Variants in PSMG4 observed in about 807,000 individuals in gnomAD.
The protein encoded by PSMG4 is proteasome assembly chaperone 4.
In PSMG4, 10 loss-of-function variants were observed where a neutral mutation model predicts 11.0. That is an observed-to-expected ratio of 0.91 (90% confidence interval 0.56 to 1.54). PSMG4 has a LOEUF of 1.54. PSMG4 is among the 40% of genes most tolerant of loss of function. The probability of loss-of-function intolerance (pLI) is 0.00; values close to 1 mark genes in which losing one functional copy is unlikely to be tolerated. For synonymous variants in PSMG4, 95 were observed against 71.3 expected, an observed-to-expected ratio of 1.33 and a Z score of -1.68; for missense variants, 198 against 160.9, an observed-to-expected ratio of 1.23 and a Z score of -1.25.
upstream of PSMG4, chr6:3,255,355 A>T (rs368004680): frequency 1.7e-5 from 24 of 1,443,362 alleles, no homozygotes; most frequent in Admixed American, 2.7e-5. Flanking sequence ...GTAGTTGCTT[A>T]ATTTTTCCTG....
chr6:3,254,576 G>A (rs145066206), upstream of PSMG4, among the ~76,000 whole-genome samples: 51 of 152,252 alleles, frequency 3.3e-4, no homozygotes, highest in Non-Finnish European at 5.3e-4. Context: ...GTGAGGCTGG[G>A]AACCCAACGA....
At chr6:3,256,982 G>C (rs959952975), upstream of PSMG4, among the ~76,000 whole-genome samples, 4 of 152,132 alleles carry the variant, frequency 2.6e-5, no homozygotes, top group Admixed American at 2.6e-4. Context: ...TGAAAGGACA[G>C]GGTCAGAGCA....
chr6:3,255,013 A>G (rs1451612556), upstream of PSMG4: 1 of 1,544,750 alleles, frequency 6.5e-7, no homozygotes, highest in Admixed American at 2.0e-5. Context: ...CCCATGTGGG[A>G]GCGCTGGGAT....
chr6:3,258,159 C>T (rs919170587), upstream of PSMG4, among the ~76,000 whole-genome samples: 6 of 110,038 alleles, frequency 5.5e-5, no homozygotes, highest in African/African-American at 1.6e-4. Flanking sequence ...GGGGTCTCCC[C>T]ATAGGTATGA....
At chr6:3,255,054 C>T, upstream of PSMG4, 2 of 1,550,828 alleles carry the variant, frequency 1.3e-6, no homozygotes, top group Non-Finnish European at 1.7e-6. Context: ...TGGACAGGAA[C>T]AAACACACTT....
chr6:3,256,309 A>G (rs1445218597), upstream of PSMG4, among the ~76,000 whole-genome samples: 4 of 152,246 alleles, frequency 2.6e-5, no homozygotes, highest in East Asian at 1.9e-4. Context: ...TTTGAGGACC[A>G]GGGAAATGAC....
upstream of PSMG4, chr6:3,254,981 G>T (rs1463620195): frequency 1.3e-6 from 2 of 1,482,084 alleles, no homozygotes; most frequent in South Asian, 1.3e-5. Context: ...TGTGGCTGTG[G>T]ATCCCATGGA....
At position 3,262,801 on chromosome 6, in the gene PSMG4, T is replaced by TC. The variant is rs1209312427; in HGVS notation, c.175-883_175-882insC. On this transcript the variant is annotated intron_variant, in intron 1 of 2. Coordinates refer to ENST00000438998, the MANE Select transcript of PSMG4 (RefSeq NM_001128591.2). ...CATATTACCAATAAGTGTTTTTTTT[T>TC]TCCCCCTTTGGAAGCTAGACCTTCT... Among the ~76,000 whole-genome samples, 52 of 143,540 alleles carry TC rather than the reference T, an allele frequency of 3.6e-4. No homozygotes were observed. In the South Asian group the frequency reaches 4.9e-3, roughly 14 times the overall value. The allele number at this position is 143,540 out of a possible 152,430, so 94.2% of individuals were successfully genotyped here. A position where few individuals can be genotyped will look rare whatever the true frequency, so the allele number is the denominator to read the frequency against.
At chr6:3,256,703 C>CT (rs1336406426), upstream of PSMG4, among the ~76,000 whole-genome samples, 1 of 152,202 alleles carries the variant, frequency 6.6e-6, no homozygotes, top group Non-Finnish European at 1.5e-5. Flanking sequence ...GCAGGGTGGG[C>CT]TGACTCCCTG....
upstream of PSMG4, among the ~76,000 whole-genome samples, chr6:3,255,926 A>G (rs1325398732): frequency 1.3e-5 from 2 of 152,224 alleles, no homozygotes; most frequent in Non-Finnish European, 2.9e-5. Context: ...ATCCTTGGTC[A>G]CGTACCATGT....
At chr6:3,254,757 T>C (rs1183202776), upstream of PSMG4, among the ~76,000 whole-genome samples, 2 of 152,060 alleles carry the variant, frequency 1.3e-5, no homozygotes, top group Non-Finnish European at 1.5e-5. Context: ...TTTTAAAAAC[T>C]GTAATGCTCA....
intron 2 of PSMG4, chr6:3,267,217 A>G: frequency 6.3e-6 from 1 of 158,474 alleles, no homozygotes; most frequent in Non-Finnish European, 1.4e-5. Flanking sequence ...CCCTCTGTGT[A>G]GGGCAGAGGT....
chr6:3,260,084 C>T (rs996350124), intron 1 of PSMG4, among the ~76,000 whole-genome samples: 3 of 143,164 alleles, frequency 2.1e-5, no homozygotes, highest in African/African-American at 5.3e-5. Flanking sequence ...GGACTACAGA[C>T]ATGTGCCACC....
At chr6:3,259,987 T>A (rs563576337) in intron 1 of PSMG4, among the ~76,000 whole-genome samples, 2 of 152,284 alleles carry the variant, frequency 1.3e-5, no homozygotes, top group Admixed American at 1.3e-4. Flanking sequence ...TCACCCAGGC[T>A]GGGGTACAGT....
At chr6:3,255,648 A>G (rs555780530), upstream of PSMG4, among the ~76,000 whole-genome samples, 5 of 152,316 alleles carry the variant, frequency 3.3e-5, no homozygotes, top group East Asian at 7.7e-4. Context: ...CCCACAGACA[A>G]ACGAGTCCGA....
At chr6:3,255,560 C>G (rs80243964), upstream of PSMG4, among the ~76,000 whole-genome samples, 2 of 152,304 alleles carry the variant, frequency 1.3e-5, no homozygotes, top group East Asian at 1.9e-4. Context: ...GGCTGCTGTT[C>G]TGTTTACATG....
At chr6:3,264,485 A>C in intron 2 of PSMG4, 1 of 1,326,514 alleles carries the variant, frequency 7.5e-7, no homozygotes. Flanking sequence ...GGTACCTGAC[A>C]AGCAGGAACC....
rs869076629 is a variant in PSMG4, at chr6:3,260,291, A to ATTTTTTTTTTTTTT, written c.174+1100_174+1113dup. ...TGTCTTAAATTGTATATATATATAT[A>ATTTTTTTTTTTTTT]TTTTTTTTTTTTTTTTTTGAAGCAA... On this transcript the variant is annotated intron_variant, in intron 1 of 2. Transcript: ENST00000438998. Among the ~76,000 whole-genome samples the ATTTTTTTTTTTTTT allele has an allele frequency of 7.5e-4, 53 of 70,860 alleles. 2 individuals are homozygous for ATTTTTTTTTTTTTT. Among genetic ancestry groups the ATTTTTTTTTTTTTT allele is most frequent in the South Asian group, 1.8e-3 (3 of 1,690 alleles). 46.5% of individuals were successfully genotyped at this position (70,860 alleles called of 152,430 possible). A position where few individuals can be genotyped will look rare whatever the true frequency, so the allele number is the denominator to read the frequency against.
upstream of PSMG4, among the ~76,000 whole-genome samples, chr6:3,257,085 A>T (rs758065346): frequency 1.3e-5 from 2 of 152,182 alleles, no homozygotes; most frequent in African/African-American, 4.8e-5. Flanking sequence ...TCCAATGAAG[A>T]TAAGCATTTT....
Sources: allele counts gnomAD v4.1 joint callset (sites outside exome capture counted in the v4.1 genomes callset), GRCh38; gene constraint gnomAD v4.1.1; transcripts MANE v1.5; gene names NCBI Gene and HGNC (gene_info 2026-07-23, HGNC 2026-07-21).